PCDH9: variants seen among roughly 807,000 people sequenced by gnomAD.
PCDH9 encodes the protein protocadherin-9.
PCDH9 carries 24 observed loss-of-function variants against 70.6 expected under a neutral mutation model. The observed-to-expected ratio is 0.34, with a 90% CI of 0.25 to 0.48. PCDH9 has a LOEUF of 0.48. PCDH9 is among the 20% of genes least tolerant of loss of function. The pLI, the probability that PCDH9 is intolerant of heterozygous loss-of-function variation, is 0.99. For synonymous variants in PCDH9, 562 were observed against 558.5 expected (o/e 1.01, Z -0.09); for missense variants, 1,281 against 1,503.6 (o/e 0.85, Z 2.45).
intron 2 of PCDH9, among the ~76,000 whole-genome samples, chr13:67,117,995 T>C (rs775923440): frequency 6.6e-5 from 10 of 152,130 alleles, no homozygotes; most frequent in Non-Finnish European, 1.5e-4. Flanking sequence ...CATCGCTCCA[T>C]AAATAAAAAA....
At chr13:66,826,556 G>A (rs899945964) in intron 3 of PCDH9, among the ~76,000 whole-genome samples, 1 of 152,116 alleles carries the variant, frequency 6.6e-6, no homozygotes, top group East Asian at 1.9e-4. Context: ...ATATATTTAT[G>A]AGATTACTGT....
chr13:66,317,522 C>T (rs182834312), intron 4 of PCDH9, among the ~76,000 whole-genome samples: 4 of 152,230 alleles, frequency 2.6e-5, no homozygotes, highest in Admixed American at 2.6e-4. Flanking sequence ...TTGTATCCCA[C>T]CTAACCATTT....
chr13:66,796,781 T>C (rs1236557287), intron 3 of PCDH9, among the ~76,000 whole-genome samples: 1 of 152,138 alleles, frequency 6.6e-6, no homozygotes, highest in Non-Finnish European at 1.5e-5. Context: ...CATAATTATA[T>C]TAGATGTGTG....
chr13:66,525,433 C>T (rs1183212675), intron 4 of PCDH9, among the ~76,000 whole-genome samples: 2 of 152,074 alleles, frequency 1.3e-5, no homozygotes, highest in East Asian at 3.9e-4. Flanking sequence ...GAACTAAATA[C>T]TATCAATTAT....
intron 2 of PCDH9, among the ~76,000 whole-genome samples, chr13:66,921,101 G>A (rs1364703362): frequency 4.0e-5 from 6 of 151,014 alleles, no homozygotes; most frequent in African/African-American, 1.5e-4. Context: ...CCTCATAGAA[G>A]TTCTTTTTCC....
intron 4 of PCDH9, among the ~76,000 whole-genome samples, chr13:66,611,697 G>A (rs1040148721): frequency 1.3e-5 from 2 of 152,160 alleles, no homozygotes; most frequent in Non-Finnish European, 1.5e-5. Context: ...TTTGAATATA[G>A]GGAAGACTGG....
intron 4 of PCDH9, among the ~76,000 whole-genome samples, chr13:66,345,841 T>TA: frequency 6.6e-6 from 1 of 152,300 alleles, no homozygotes; most frequent in East Asian, 1.9e-4. Flanking sequence ...AGGCTGACTT[T>TA]AAAAAGTATT....
chr13:66,529,768 A>T (rs1470511100), intron 4 of PCDH9, among the ~76,000 whole-genome samples: 1 of 151,956 alleles, frequency 6.6e-6, no homozygotes, highest in African/African-American at 2.4e-5. Flanking sequence ...AAGATGATAA[A>T]TACCACAGTT....
chr13:66,829,482 A>C (rs2080884970), intron 3 of PCDH9, among the ~76,000 whole-genome samples: 1 of 152,086 alleles, frequency 6.6e-6, no homozygotes. Context: ...GAACTGGAGA[A>C]AATTATTGGA....
At position 66,774,659 on chromosome 13, in the gene PCDH9, T is replaced by C. The variant is rs549885906; in HGVS notation, c.3138+128845A>G. ...GCATTGTTTAGCCCTAGAGTTTTCATATCCATCCCTCAAGGTGATTTACAA... is the reference window on the plus strand; with the variant it reads ...GCATTGTTTAGCCCTAGAGTTTTCACATCCATCCCTCAAGGTGATTTACAA... On this transcript the variant is annotated intron_variant, in intron 3 of 4. Coordinates refer to ENST00000377865, the MANE Select transcript of PCDH9 (RefSeq NM_203487.3). Among the ~76,000 whole-genome samples, 3 of 152,324 alleles carry C rather than the reference T, an allele frequency of 2.0e-5. No homozygotes were observed. In the East Asian group the frequency reaches 5.8e-4, roughly 29 times the overall value.
intron 4 of PCDH9, among the ~76,000 whole-genome samples, chr13:66,491,672 C>A (rs972428241): frequency 6.6e-6 from 1 of 151,928 alleles, no homozygotes; most frequent in Non-Finnish European, 1.5e-5. Context: ...AAATGCAATT[C>A]CTTTATTCCT....
At chr13:66,765,506 G>C (rs2079701297) in intron 3 of PCDH9, among the ~76,000 whole-genome samples, 1 of 151,892 alleles carries the variant, frequency 6.6e-6, no homozygotes, top group South Asian at 2.1e-4. Flanking sequence ...CATGAATAGA[G>C]ATGTCTAATA....
chr13:67,147,055 T>A (rs1410500883), intron 2 of PCDH9, among the ~76,000 whole-genome samples: 1 of 152,122 alleles, frequency 6.6e-6, no homozygotes, highest in Non-Finnish European at 1.5e-5. Flanking sequence ...AGATAAACAA[T>A]GTAGGAAAGA....
At chr13:66,526,104 A>G (rs1176915722) in intron 4 of PCDH9, among the ~76,000 whole-genome samples, 5 of 152,160 alleles carry the variant, frequency 3.3e-5, no homozygotes, top group African/African-American at 9.6e-5. Flanking sequence ...CTGATGCTCA[A>G]TAAAAATAAA....
At chr13:66,686,554 T>G (rs1171994043) in intron 3 of PCDH9, among the ~76,000 whole-genome samples, 1 of 152,226 alleles carries the variant, frequency 6.6e-6, no homozygotes, top group Admixed American at 6.5e-5. Context: ...CCAATTTATC[T>G]ATATGCTGCA....
intron 2 of PCDH9, among the ~76,000 whole-genome samples, chr13:67,098,581 C>G (rs1425636723): frequency 6.6e-6 from 1 of 151,904 alleles, no homozygotes; most frequent in Admixed American, 6.6e-5. Context: ...AAAAATTTTT[C>G]AAAACCAAAC....
At chr13:67,143,911 A>G (rs2087458380) in intron 2 of PCDH9, among the ~76,000 whole-genome samples, 1 of 152,206 alleles carries the variant, frequency 6.6e-6, no homozygotes, top group Non-Finnish European at 1.5e-5. Context: ...CCTACAGATA[A>G]TAAGGTGAGT....
chr13:67,176,836 C>A (rs1004075493), intron 2 of PCDH9, among the ~76,000 whole-genome samples: 1 of 152,000 alleles, frequency 6.6e-6, no homozygotes, highest in African/African-American at 2.4e-5. Flanking sequence ...ATCCTACTTT[C>A]ATTTATCTAA....
Position 67,110,972 on chromosome 13 carries a change from G to A in PCDH9, c.3036+114433C>T, listed in dbSNP as rs138131747. ...AGAATGCAAATTCCATAAGGCCAAT[G>A]CCTTCTATATTCCTAGCATTTAGAA... On this transcript the variant is annotated intron_variant, in intron 2 of 4. Coordinates refer to ENST00000377865, the MANE Select transcript of PCDH9 (RefSeq NM_203487.3). Among the ~76,000 whole-genome samples, 63 of 152,274 alleles carry A rather than the reference G, an allele frequency of 4.1e-4. 1 individual carries two copies. In the East Asian group the frequency reaches 0.011, roughly 26 times the overall value.
Sources: allele counts gnomAD v4.1 joint callset (sites outside exome capture counted in the v4.1 genomes callset), GRCh38; gene constraint gnomAD v4.1.1; transcripts MANE v1.5; gene names NCBI Gene and HGNC (gene_info 2026-07-23, HGNC 2026-07-21).